The following KCNIP4 variants were observed in gnomAD, a reference collection of about 807,000 sequenced individuals.
KCNIP4 encodes Kv channel-interacting protein 4.
A neutral mutation model predicts 34.0 loss-of-function variants in KCNIP4; 12 were observed. That is an observed-to-expected ratio of 0.35 (90% CI 0.23 to 0.57). The LOEUF is 0.57. Ranked by LOEUF, KCNIP4 falls within the 20% of genes least tolerant of loss-of-function variation. The probability of loss-of-function intolerance (pLI) is 0.83; values close to 1 mark genes in which losing one functional copy is unlikely to be tolerated. For missense variants in KCNIP4, 238 were observed against 311.7 expected (o/e 0.76, Z 1.78); for synonymous variants, 124 against 102.2 (o/e 1.21, Z -1.29).
intron 1 of KCNIP4, among the ~76,000 whole-genome samples, chr4:20,962,932 T>C (rs1186055929): frequency 1.3e-5 from 2 of 152,178 alleles, no homozygotes; most frequent in Non-Finnish European, 2.9e-5. Flanking sequence ...AGAAGAATAT[T>C]GGTGAGTCAT....
chr4:21,613,725 A>C (rs1294440447), intron 1 of KCNIP4: 3 of 152,198 alleles, frequency 2.0e-5, no homozygotes, highest in Non-Finnish European at 4.4e-5. Context: ...GCATGTTCTC[A>C]TAAGTGTATG....
At chr4:20,983,739 C>T in intron 1 of KCNIP4, 1 of 1,248,348 alleles carries the variant, frequency 8.0e-7, no homozygotes, top group South Asian at 1.3e-5. Context: ...ATTAAGGCTT[C>T]TTAACTTCTG....
chr4:21,296,768 T>C (rs144283337), intron 1 of KCNIP4, among the ~76,000 whole-genome samples: 1 of 152,118 alleles, frequency 6.6e-6, no homozygotes, highest in African/African-American at 2.4e-5. Flanking sequence ...GTCTTGATGA[T>C]TAGTCTACTG....
chr4:21,551,569 A>G (rs182059009), intron 1 of KCNIP4, among the ~76,000 whole-genome samples: 1 of 152,148 alleles, frequency 6.6e-6, no homozygotes, highest in South Asian at 2.1e-4. Flanking sequence ...ATAAAAAATT[A>G]ATTATTCTCC....
chr4:21,866,834 ATC>A (rs1488022984), intron 1 of KCNIP4, among the ~76,000 whole-genome samples: 47 of 121,626 alleles, frequency 3.9e-4, no homozygotes, highest in African/African-American at 1.4e-3. Flanking sequence ...CACTGGTGCT[ATC>A]TCTCAGCTCA....
At chr4:20,994,700 G>A (rs1577502767) in intron 1 of KCNIP4, among the ~76,000 whole-genome samples, 1 of 152,166 alleles carries the variant, frequency 6.6e-6, no homozygotes, top group Admixed American at 6.5e-5. Context: ...AGAAAAGAGA[G>A]GAGAAACTAC....
intron 1 of KCNIP4, among the ~76,000 whole-genome samples, chr4:21,786,570 C>G (rs1719927594): frequency 2.0e-5 from 1 of 50,022 alleles, no homozygotes; most frequent in South Asian, 7.2e-4. Flanking sequence ...TAGAGAGTCA[C>G]TCTTTTTTTT....
intron 1 of KCNIP4, among the ~76,000 whole-genome samples, chr4:20,906,606 T>C (rs1727796930): frequency 6.6e-6 from 1 of 152,208 alleles, no homozygotes. Context: ...ATTTAGTATT[T>C]AGACCTTACC....
chr4:20,952,292 G>A (rs1158183524), intron 1 of KCNIP4, among the ~76,000 whole-genome samples: 1 of 151,960 alleles, frequency 6.6e-6, no homozygotes, highest in East Asian at 1.9e-4. Flanking sequence ...ATTATATCTA[G>A]GCACTTCTAT....
intron 1 of KCNIP4, among the ~76,000 whole-genome samples, chr4:21,233,531 G>A (rs992080465): frequency 2.0e-5 from 3 of 151,934 alleles, no homozygotes; most frequent in East Asian, 1.9e-4. Context: ...GAGAGGCTGA[G>A]GCTCAAGGAC....
intron 1 of KCNIP4, among the ~76,000 whole-genome samples, chr4:21,795,364 C>G (rs554870859): frequency 1.3e-5 from 2 of 152,166 alleles, no homozygotes; most frequent in African/African-American, 4.8e-5. Flanking sequence ...ACGTCTGTTG[C>G]GTAAGCCACC....
At chr4:21,390,030 A>G in intron 1 of KCNIP4, among the ~76,000 whole-genome samples, 1 of 143,526 alleles carries the variant, frequency 7.0e-6, no homozygotes. Flanking sequence ...TGTGGTTTTG[A>G]TTTGCATTTC....
intron 1 of KCNIP4, among the ~76,000 whole-genome samples, chr4:21,449,016 C>T (rs1728282794): frequency 6.6e-6 from 1 of 152,196 alleles, no homozygotes; most frequent in Non-Finnish European, 1.5e-5. Context: ...CAGCTGCAAA[C>T]ATTTTCTATT....
chr4:21,081,849 T>A (rs1305823489), intron 1 of KCNIP4, among the ~76,000 whole-genome samples: 2 of 151,812 alleles, frequency 1.3e-5, no homozygotes, highest in Non-Finnish European at 2.9e-5. Flanking sequence ...GAAACACATG[T>A]GGCTCACACA....
At chr4:21,670,463 C>T (rs1206865735) in intron 1 of KCNIP4, among the ~76,000 whole-genome samples, 1 of 150,766 alleles carries the variant, frequency 6.6e-6, no homozygotes, top group African/African-American at 2.4e-5. Context: ...GGAGATATAC[C>T]TAATGCTAGA....
chr4:21,371,611 G>T (rs1392521083), intron 1 of KCNIP4, among the ~76,000 whole-genome samples: 1 of 146,894 alleles, frequency 6.8e-6, no homozygotes, highest in Admixed American at 6.6e-5. Context: ...AATATTACCT[G>T]TATGCCTGAC....
At chr4:21,487,221 C>G (rs761764758) in intron 1 of KCNIP4, among the ~76,000 whole-genome samples, 13 of 152,086 alleles carry the variant, frequency 8.5e-5, no homozygotes, top group Admixed American at 2.0e-4. Context: ...TGGCTGTTAG[C>G]TTTCTCAGAC....
chr4:21,812,143 T>C (rs1721697043), intron 1 of KCNIP4, among the ~76,000 whole-genome samples: 2 of 152,196 alleles, frequency 1.3e-5, no homozygotes, highest in Admixed American at 6.5e-5. Flanking sequence ...ACGCATCTAG[T>C]TCTACAAAAA....
intron 1 of KCNIP4, among the ~76,000 whole-genome samples, chr4:21,868,505 C>T (rs1300903914): frequency 1.3e-5 from 2 of 152,186 alleles, no homozygotes; most frequent in Non-Finnish European, 2.9e-5. Flanking sequence ...CTAACTTCTA[C>T]ACCTCTTGGT....
Sources: allele counts gnomAD v4.1 joint callset (sites outside exome capture counted in the v4.1 genomes callset), GRCh38; gene constraint gnomAD v4.1.1; transcripts MANE v1.5; gene names NCBI Gene and HGNC (gene_info 2026-07-23, HGNC 2026-07-21).